Variants in TTC1 observed in about 807,000 individuals in gnomAD.
TTC1 encodes the protein tetratricopeptide repeat protein 1.
TTC1 carries 31 observed loss-of-function variants against 37.6 expected under a neutral mutation model. That is an observed-to-expected ratio of 0.82 (90% confidence interval 0.62 to 1.11). The LOEUF is 1.11. Ranked by LOEUF, TTC1 falls within the 50% of genes most tolerant of loss-of-function variation. TTC1 has a pLI of 0.00. For synonymous variants in TTC1, 127 were observed against 122.4 expected (o/e 1.04, Z -0.25); for missense variants, 351 against 339.0 (o/e 1.04, Z -0.28).
chr5:160,026,211 A>G (rs1184145452), intron 2 of TTC1, among the ~76,000 whole-genome samples: 1 of 152,196 alleles, frequency 6.6e-6, no homozygotes, highest in Non-Finnish European at 1.5e-5. Flanking sequence ...TTGGCTAGGG[A>G]TGTCGGGGTG....
chr5:160,029,269 TA>T (rs1283581976), intron 2 of TTC1, among the ~76,000 whole-genome samples: 1 of 152,108 alleles, frequency 6.6e-6, no homozygotes, highest in Non-Finnish European at 1.5e-5. Flanking sequence ...TGAAAGGGCC[TA>T]AAAGGAGTAA....
At chr5:160,025,716 T>C (rs576231116) in intron 2 of TTC1, among the ~76,000 whole-genome samples, 50 of 152,350 alleles carry the variant, frequency 3.3e-4, no homozygotes, top group African/African-American at 1.2e-3. Context: ...GAAGACAGTA[T>C]GGTCTTGTAG....
intron 7 of TTC1, among the ~76,000 whole-genome samples, chr5:160,051,673 G>T (rs1490903706): frequency 6.6e-6 from 1 of 152,140 alleles, no homozygotes; most frequent in Non-Finnish European, 1.5e-5. Flanking sequence ...ATCAGACTGG[G>T]GGTAGGGGTA....
intron 7 of TTC1, among the ~76,000 whole-genome samples, chr5:160,056,735 T>C (rs1250232017): frequency 6.6e-6 from 1 of 152,050 alleles, no homozygotes; most frequent in Non-Finnish European, 1.5e-5. Flanking sequence ...AAGCAAAATA[T>C]ATATATATAT....
At chr5:160,047,779 A>C (rs73817257) in intron 5 of TTC1, among the ~76,000 whole-genome samples, 3,296 of 152,200 alleles carry the variant, frequency 0.022, 110 homozygotes, top group African/African-American at 0.075. Context: ...GCTCCTCCTT[A>C]GCCTTTCACA....
At chr5:160,054,758 G>A (rs1435148924) in intron 7 of TTC1, among the ~76,000 whole-genome samples, 1 of 152,098 alleles carries the variant, frequency 6.6e-6, no homozygotes, top group African/African-American at 2.4e-5. Context: ...TTTGAAGTCA[G>A]GTTTCATATG....
chr5:160,031,391 C>T (rs1046204423), intron 2 of TTC1, among the ~76,000 whole-genome samples: 3 of 152,064 alleles, frequency 2.0e-5, no homozygotes, highest in Admixed American at 6.6e-5. Context: ...GCAGGTGAAT[C>T]ACTTGAGGCC....
In TTC1 at chr5:160,036,739, C is replaced by T. The variant is rs768667274; in HGVS notation, c.440C>T (p.Pro147Leu). Residue 147 changes from proline (P) to leucine (L), a missense_variant, in exon 4 of 8, where the codon CCA becomes CTA. Coordinates refer to ENST00000231238, the MANE Select transcript of TTC1 (RefSeq NM_003314.3). Reference protein sequence around the residue: ...SSYSRALEMCPSCFQKERSIL... With the variant: ...SSYSRALEMCLSCFQKERSIL... ...TATAGTCGAGCCCTCGAAATGTGCC[C>T]ATCCTGCTTCCAAAAGGAGAGGTCG... The T allele has an allele frequency of 1.9e-6, 3 of 1,613,904 alleles. No homozygotes were observed. Among genetic ancestry groups the T allele is most frequent in the Non-Finnish European group, 2.5e-6 (3 of 1,179,980 alleles).
chr5:160,024,872 C>G (rs1461305544), intron 2 of TTC1, among the ~76,000 whole-genome samples: 1 of 151,980 alleles, frequency 6.6e-6, no homozygotes, highest in Non-Finnish European at 1.5e-5. Context: ...CTTGCTCTGT[C>G]CCCCAGGCTG....
At chr5:160,044,911 TTTC>T (rs1420617449) in intron 5 of TTC1, among the ~76,000 whole-genome samples, 1 of 152,246 alleles carries the variant, frequency 6.6e-6, no homozygotes, top group African/African-American at 2.4e-5. Flanking sequence ...CTCTACTGGC[TTTC>T]TTTTCTTTAT....
chr5:160,044,621 G>A (rs1757167673), intron 5 of TTC1, among the ~76,000 whole-genome samples: 1 of 152,166 alleles, frequency 6.6e-6, no homozygotes, highest in South Asian at 2.1e-4. Flanking sequence ...TTGCATTTAG[G>A]GAGCAGTGAG....
intron 2 of TTC1, among the ~76,000 whole-genome samples, chr5:160,024,759 GTAA>G (rs1756772274): frequency 6.6e-6 from 1 of 151,930 alleles, no homozygotes; most frequent in African/African-American, 2.4e-5. Context: ...AAGAGTAACA[GTAA>G]TAATAATAGA....
At chr5:160,032,812 C>T (rs1756935550) in intron 2 of TTC1, among the ~76,000 whole-genome samples, 1 of 141,598 alleles carries the variant, frequency 7.1e-6, no homozygotes, top group African/African-American at 2.7e-5. Context: ...CTCCCAGGTT[C>T]GAGTGATTCT....
chr5:160,016,830 A>G (rs1283763392), intron 2 of TTC1, among the ~76,000 whole-genome samples: 1 of 152,204 alleles, frequency 6.6e-6, no homozygotes, highest in Non-Finnish European at 1.5e-5. Flanking sequence ...ACACAACCAA[A>G]TAATAGTAGC....
intron 5 of TTC1, among the ~76,000 whole-genome samples, chr5:160,047,055 A>G (rs1757270164): frequency 6.6e-6 from 1 of 152,180 alleles, no homozygotes; most frequent in Admixed American, 6.5e-5. Flanking sequence ...AAGGGAAACA[A>G]AAGGAGTATT....
chr5:160,052,942 C>G (rs1446379548), intron 7 of TTC1, among the ~76,000 whole-genome samples: 1 of 152,192 alleles, frequency 6.6e-6, no homozygotes, highest in Non-Finnish European at 1.5e-5. Flanking sequence ...TGTGTTGTTA[C>G]ACATGTGTAG....
chr5:160,011,046 T>G (rs954670443), intron 2 of TTC1, among the ~76,000 whole-genome samples, 188 bp downstream of exon 2: 4 of 152,224 alleles, frequency 2.6e-5, no homozygotes, highest in Non-Finnish European at 4.4e-5. Context: ...GTGTGTCTGC[T>G]TAACAAAGAA....
At chr5:160,048,407 G>A (rs944662001) in intron 5 of TTC1, among the ~76,000 whole-genome samples, 3 of 151,954 alleles carry the variant, frequency 2.0e-5, no homozygotes, top group Admixed American at 6.6e-5. Context: ...TGCCTGCCTC[G>A]GCCTCCCAAA....
intron 7 of TTC1, among the ~76,000 whole-genome samples, chr5:160,062,258 T>G (rs1330758089): frequency 2.0e-5 from 3 of 152,252 alleles, no homozygotes; most frequent in African/African-American, 7.2e-5. Flanking sequence ...ATTTGCAGTC[T>G]TAGCTTGGAA....
Sources: gnomAD v4.1 joint callset for allele counts (sites outside exome capture counted in the v4.1 genomes callset) on GRCh38, gnomAD v4.1.1 for gene constraint, MANE v1.5 for transcripts, NCBI Gene and HGNC (gene_info 2026-07-23, HGNC 2026-07-21) for gene names.